Variants in KIFAP3 observed in about 807,000 individuals in gnomAD.
KIFAP3 encodes the protein kinesin-associated protein 3.
In KIFAP3, 68 loss-of-function variants were observed where a neutral mutation model predicts 106.5. The observed-to-expected ratio is 0.64, with a 90% CI of 0.53 to 0.78. The LOEUF (loss-of-function observed/expected upper bound fraction) is 0.78. Among genes scored for constraint, KIFAP3 ranks in the 30% least tolerant of loss-of-function variants. The pLI is 0.00. For synonymous variants in KIFAP3, 320 were observed against 311.5 expected, an observed-to-expected ratio of 1.03 and a Z score of -0.29; for missense variants, 780 against 941.8, an observed-to-expected ratio of 0.83 and a Z score of 2.25.
chr1:169,938,288 A>G (rs561488601), intron 19 of KIFAP3, among the ~76,000 whole-genome samples: 1 of 152,106 alleles, frequency 6.6e-6, no homozygotes, highest in African/African-American at 2.4e-5. Flanking sequence ...TATGTAAAAT[A>G]TAGCTACTTA....
chr1:169,974,014 T>C lies in KIFAP3; in HGVS notation c.1898-1416A>G, dbSNP rs1666086313. Among the ~76,000 whole-genome samples the C allele has an allele frequency of 1.3e-5, 2 of 151,872 alleles. 1 individual carries two copies. The highest frequency in any genetic ancestry group is 4.1e-4 in the South Asian group (2 of 4,832). ...ATAAAATGAAGTGAAATTATCATAT[T>C]GGATAGCAAATAACATGGAAAATAG... On this transcript the variant is annotated intron_variant, in intron 16 of 19. Transcript: ENST00000361580.
chr1:169,933,351 T>C (rs763712543), intron 19 of KIFAP3, among the ~76,000 whole-genome samples: 6 of 152,202 alleles, frequency 3.9e-5, no homozygotes, highest in Non-Finnish European at 8.8e-5. Context: ...AGAAATGTAT[T>C]AGAAGAACAG....
chr1:170,073,631 G>A (rs1016977970), intron 1 of KIFAP3, among the ~76,000 whole-genome samples: 1 of 152,024 alleles, frequency 6.6e-6, no homozygotes, highest in African/African-American at 2.4e-5. Context: ...CTTTTCCAGG[G>A]TATTTACTGA....
Position 170,074,490 on chromosome 1 carries a change from A to T in KIFAP3, c.-23T>A. On this transcript the variant is annotated 5_prime_UTR_variant, in exon 1 of 20. Transcript: ENST00000361580. ...CATGGCGGCAGCGGCAGCGGCGTGG[A>T]GAGGATGGGGTATCTTGAGAGGCAG... The T allele has an allele frequency of 1.2e-6, 2 of 1,604,126 alleles. No homozygotes were observed. Among genetic ancestry groups the T allele is most frequent in the Admixed American group, 3.4e-5 (2 of 59,634 alleles).
intron 7 of KIFAP3, 42 bp downstream of exon 7, chr1:170,034,330 C>T (rs1357056620): frequency 6.4e-7 from 1 of 1,570,602 alleles, no homozygotes. Flanking sequence ...AAACTTAAAG[C>T]AAAAGACAAC....
At chr1:170,073,721 A>G (rs926919275) in intron 1 of KIFAP3, among the ~76,000 whole-genome samples, 43 of 151,152 alleles carry the variant, frequency 2.8e-4, no homozygotes, top group African/African-American at 1.0e-3. Flanking sequence ...TTTTTTTTCC[A>G]AATCAGGAAT....
intron 17 of KIFAP3, among the ~76,000 whole-genome samples, chr1:169,962,511 A>G (rs1008914553): frequency 1.3e-5 from 2 of 152,152 alleles, no homozygotes; most frequent in Non-Finnish European, 2.9e-5. Context: ...TTCCTCTGTC[A>G]TATCTTTAAA....
At chr1:170,003,548 C>T (rs1192171727) in intron 10 of KIFAP3, among the ~76,000 whole-genome samples, 1 of 152,170 alleles carries the variant, frequency 6.6e-6, no homozygotes, top group Non-Finnish European at 1.5e-5. Flanking sequence ...AACCACTAAT[C>T]TCTTCAAAGC....
chr1:170,059,546 T>G (rs1408849856), intron 1 of KIFAP3, among the ~76,000 whole-genome samples: 1 of 151,876 alleles, frequency 6.6e-6, no homozygotes, highest in African/African-American at 2.4e-5. Flanking sequence ...CCAAAAAAAG[T>G]CCAGGACCAG....
intron 10 of KIFAP3, among the ~76,000 whole-genome samples, chr1:170,011,914 C>A (rs1430840105): frequency 6.6e-6 from 1 of 152,074 alleles, no homozygotes; most frequent in Non-Finnish European, 1.5e-5. Context: ...CTAGTAATAT[C>A]ATGAAATCAA....
At chr1:169,994,653 G>A (rs1667286192) in intron 10 of KIFAP3, among the ~76,000 whole-genome samples, 2 of 151,590 alleles carry the variant, frequency 1.3e-5, no homozygotes, top group Admixed American at 6.6e-5. Context: ...CAACTATTTG[G>A]AATACAACAT....
At chr1:170,058,028 C>A (rs1282283005) in intron 1 of KIFAP3, among the ~76,000 whole-genome samples, 1 of 152,114 alleles carries the variant, frequency 6.6e-6, no homozygotes, top group East Asian at 1.9e-4. Context: ...AACATACCTT[C>A]TATAACTGCA....
intron 19 of KIFAP3, among the ~76,000 whole-genome samples, chr1:169,937,398 A>G (rs371831192): frequency 5.9e-5 from 9 of 151,902 alleles, no homozygotes; most frequent in African/African-American, 2.2e-4. Context: ...TATCTTTTGG[A>G]AAGAGCAGCA....
chr1:169,950,239 TAAGAA>T (rs1664658193), intron 19 of KIFAP3, among the ~76,000 whole-genome samples: 1 of 152,098 alleles, frequency 6.6e-6, no homozygotes, highest in African/African-American at 2.4e-5. Context: ...ACTGAAACAT[TAAGAA>T]AACAGAGAAT....
intron 2 of KIFAP3, among the ~76,000 whole-genome samples, chr1:170,047,720 T>TA (rs928764499): frequency 1.5e-4 from 23 of 150,622 alleles, no homozygotes; most frequent in Non-Finnish European, 2.1e-4. Flanking sequence ...GTTAGTGCAC[T>TA]AAAAAACAAT....
At chr1:169,926,708 C>G (rs1166384752) in intron 19 of KIFAP3, among the ~76,000 whole-genome samples, 1 of 151,152 alleles carries the variant, frequency 6.6e-6, no homozygotes, top group African/African-American at 2.4e-5. Flanking sequence ...CACACACATT[C>G]AAAATTTTAC....
chr1:170,021,941 C>CTTTTTTTTTTTTTTTTTTTTTTTTTTTT (rs71125221), intron 9 of KIFAP3, among the ~76,000 whole-genome samples: 1 of 77,884 alleles, frequency 1.3e-5, no homozygotes, highest in African/African-American at 4.8e-5. Context: ...TCTTTTCTTT[C>CTTTTTTTTTTTTTTTTTTTTTTTTTTTT]TTTTTTTTTT....
rs746129966 is a variant in KIFAP3, at chr1:169,921,753, C to T, written c.2302G>A (p.Val768Ile). Reference sequence around the variant, plus strand: ...GTGGCAGGGCGTCCAAGAATGCCAACTGGTTGGCCAAAGCCATCCATTCCA... The same window carrying T: ...GTGGCAGGGCGTCCAAGAATGCCAATTGGTTGGCCAAAGCCATCCATTCCA... ...SLGMDGFGQP[V>I]GILGRPATAY... The change falls in exon 20 of 20, where the codon GTT becomes ATT. Residue 768 changes from valine (V) to isoleucine (I), a missense_variant. Coordinates refer to ENST00000361580, the MANE Select transcript of KIFAP3 (RefSeq NM_014970.4). 1.9e-6 allele frequency: 3 copies of T among 1,613,694 alleles called. No homozygotes were observed. In the African/African-American group the frequency reaches 4.0e-5, roughly 22 times the overall value.
intron 19 of KIFAP3, among the ~76,000 whole-genome samples, chr1:169,925,815 G>A (rs957462598): frequency 1.3e-5 from 2 of 152,088 alleles, no homozygotes; most frequent in Non-Finnish European, 2.9e-5. Context: ...CTTAATTAGT[G>A]CGTATTTGTA....
Sources: gnomAD v4.1 joint callset for allele counts (sites outside exome capture counted in the v4.1 genomes callset) on GRCh38, gnomAD v4.1.1 for gene constraint, MANE v1.5 for transcripts, NCBI Gene and HGNC (gene_info 2026-07-23, HGNC 2026-07-21) for gene names.